Variants in SLC38A6 observed in about 807,000 individuals in gnomAD.
SLC38A6 encodes the protein N system amino acid transporter NAT-1.
A neutral mutation model predicts 65.0 loss-of-function variants in SLC38A6; 73 were observed. The observed-to-expected ratio is 1.12, with a 90% CI of 0.93 to 1.37. The LOEUF (loss-of-function observed/expected upper bound fraction) is 1.37. Ranked by LOEUF, SLC38A6 falls within the 40% of genes most tolerant of loss-of-function variation. The probability of loss-of-function intolerance (pLI) is 0.00; values close to 1 mark genes in which losing one functional copy is unlikely to be tolerated. For missense variants in SLC38A6, 561 were observed against 531.1 expected, an observed-to-expected ratio of 1.06 and a Z score of -0.55; for synonymous variants, 183 against 178.8, an observed-to-expected ratio of 1.02 and a Z score of -0.19.
At chr14:61,050,334 G>A (rs182154338) in intron 12 of SLC38A6, among the ~76,000 whole-genome samples, 178 bp from the exon 13 acceptor site, 2 of 152,286 alleles carry the variant, frequency 1.3e-5, no homozygotes, top group Admixed American at 6.5e-5. Flanking sequence ...GAAAAAGGGT[G>A]TTAGGTTTCA....
downstream of SLC38A6, among the ~76,000 whole-genome samples, chr14:61,054,774 C>T (rs971309086): frequency 6.6e-6 from 1 of 151,690 alleles, no homozygotes; most frequent in South Asian, 2.1e-4. Flanking sequence ...GGGTGGAGAC[C>T]ATTCTAGATA....
At chr14:61,019,510 C>T (rs181656820) in intron 4 of SLC38A6, 31 bp from the exon 5 acceptor site, 1 of 1,609,232 alleles carries the variant, frequency 6.2e-7, no homozygotes, top group Non-Finnish European at 8.5e-7. Flanking sequence ...GTTTCCCCTT[C>T]TATCTTCTGA....
intron 3 of SLC38A6, among the ~76,000 whole-genome samples, chr14:60,999,182 A>G (rs2038525396): frequency 6.6e-6 from 1 of 152,186 alleles, no homozygotes. Flanking sequence ...GGTTGTTGAA[A>G]AAGAGTCAAA....
chr14:61,077,118 C>T (rs2043446685), intron 15 of SLC38A6, among the ~76,000 whole-genome samples: 2 of 152,138 alleles, frequency 1.3e-5, no homozygotes, highest in African/African-American at 4.8e-5. Context: ...GGATATTAAA[C>T]TTGCCACTTT....
At position 61,040,560 on chromosome 14, in the gene SLC38A6, C is replaced by T. The variant is rs142058008; in HGVS notation, c.625-2587C>T. Among the ~76,000 whole-genome samples, 164 of 152,158 alleles carry T rather than the reference C, an allele frequency of 1.1e-3. No individual in the cohort carries two copies. The East Asian group carries it at 0.023, about 21-fold the overall frequency. On this transcript the variant is annotated intron_variant, in intron 8 of 15. Transcript: ENST00000267488. ...TTGACCGTGTTAGCCAGGATGGTCT[C>T]GATCTCCAGACCTCATGATCCGCCC...
chr14:61,006,901 T>C (rs955609935), intron 3 of SLC38A6, among the ~76,000 whole-genome samples: 3 of 152,130 alleles, frequency 2.0e-5, no homozygotes, highest in South Asian at 4.1e-4. Context: ...CTATTCACAA[T>C]AGCAAAGACT....
chr14:60,987,875 A>G (rs2037569458), intron 3 of SLC38A6, among the ~76,000 whole-genome samples: 1 of 152,136 alleles, frequency 6.6e-6, no homozygotes, highest in Non-Finnish European at 1.5e-5. Context: ...TGTCACCATT[A>G]TTTGCCTTGA....
chr14:61,000,638 G>GA (rs529854636), intron 3 of SLC38A6, among the ~76,000 whole-genome samples: 7 of 149,704 alleles, frequency 4.7e-5, no homozygotes, highest in African/African-American at 7.3e-5. Flanking sequence ...ACTTCCAAGG[G>GA]AAAAAAAAAA....
At chr14:61,019,800 C>T (rs911674447) in intron 5 of SLC38A6, among the ~76,000 whole-genome samples, 7 of 151,764 alleles carry the variant, frequency 4.6e-5, no homozygotes, top group South Asian at 4.2e-4. Context: ...TGATTGCAGT[C>T]GTGTTATTAG....
chr14:61,013,784 G>A (rs917685548), intron 3 of SLC38A6, among the ~76,000 whole-genome samples: 1 of 152,148 alleles, frequency 6.6e-6, no homozygotes, highest in African/African-American at 2.4e-5. Flanking sequence ...CCCATTGTGG[G>A]TAACCCGACT....
intron 15 of SLC38A6, chr14:61,073,951 T>A (rs1329942677): frequency 6.6e-6 from 1 of 152,162 alleles, no homozygotes; most frequent in Admixed American, 6.6e-5. Context: ...AGTAAATATG[T>A]TTTCTCTTTC....
At chr14:61,003,594 AT>A (rs1482517388) in intron 3 of SLC38A6, among the ~76,000 whole-genome samples, 23 of 152,186 alleles carry the variant, frequency 1.5e-4, no homozygotes, top group Admixed American at 1.5e-3. Flanking sequence ...ATTTTAAGAA[AT>A]TGCCCAAATG....
chr14:61,015,977 T>C, intron 4 of SLC38A6, 21 bp downstream of exon 4: 1 of 1,595,934 alleles, frequency 6.3e-7, no homozygotes, highest in Non-Finnish European at 8.5e-7. Flanking sequence ...TTCCTCCTCA[T>C]TGTGTCCAAA....
chr14:61,031,815 A>G (rs1232627490), intron 6 of SLC38A6, among the ~76,000 whole-genome samples: 3 of 151,940 alleles, frequency 2.0e-5, no homozygotes, highest in African/African-American at 7.3e-5. Context: ...TCAAGGCAAT[A>G]TGAGGTAGAA....
chr14:61,055,114 TTTTC>T (rs1253566163), downstream of SLC38A6, among the ~76,000 whole-genome samples: 3 of 133,464 alleles, frequency 2.2e-5, no homozygotes, highest in East Asian at 2.2e-4. Context: ...TTCTTTTTTT[TTTTC>T]TTTTTTTTTT....
chr14:61,002,717 G>A (rs116940779), intron 3 of SLC38A6, among the ~76,000 whole-genome samples: 5 of 152,108 alleles, frequency 3.3e-5, no homozygotes, highest in East Asian at 3.9e-4. Flanking sequence ...AATTTTCCCC[G>A]AATTTACTTA....
At chr14:60,999,179 G>A (rs566255660) in intron 3 of SLC38A6, among the ~76,000 whole-genome samples, 76 of 152,276 alleles carry the variant, frequency 5.0e-4, no homozygotes, top group African/African-American at 1.8e-3. Context: ...TGAGGTTGTT[G>A]AAAAAGAGTC....
downstream of SLC38A6, among the ~76,000 whole-genome samples, chr14:61,054,043 TTTTTA>T (rs1381561143): frequency 6.6e-6 from 1 of 152,188 alleles, no homozygotes; most frequent in East Asian, 1.9e-4. Context: ...CTTGAGTTGA[TTTTTA>T]TATATGGTAT....
chr14:61,016,566 C>G (rs998450441), intron 4 of SLC38A6, among the ~76,000 whole-genome samples: 5 of 152,130 alleles, frequency 3.3e-5, no homozygotes, highest in Admixed American at 6.5e-5. Flanking sequence ...ATGGGGCACC[C>G]ACTTGCAATA....
Sources: gnomAD v4.1 joint callset for allele counts (sites outside exome capture counted in the v4.1 genomes callset) on GRCh38, gnomAD v4.1.1 for gene constraint, MANE v1.5 for transcripts, NCBI Gene and HGNC (gene_info 2026-07-23, HGNC 2026-07-21) for gene names.